LIPM: variants seen among roughly 807,000 people sequenced by gnomAD.
The protein encoded by LIPM is lipase family member M, also known as lipase member M.
In LIPM, 42 loss-of-function variants were observed where a neutral mutation model predicts 42.4. The ratio of observed to expected loss-of-function variants is 0.99; its 90% CI spans 0.77 to 1.28. The LOEUF is 1.28. LIPM is among the 50% of genes most tolerant of loss of function. The probability of loss-of-function intolerance (pLI) is 0.00; values close to 1 mark genes in which losing one functional copy is unlikely to be tolerated. For missense variants in LIPM, 524 were observed against 520.1 expected (o/e 1.01, Z -0.07); for synonymous variants, 177 against 173.3 (o/e 1.02, Z -0.17).
chr10:88,815,177 A>G lies in LIPM; in HGVS notation c.664A>G (p.Lys222Glu). The change falls in exon 5 of 9, where the codon AAA becomes GAA. Residue 222 changes from lysine (K) to glutamate (E), a missense_variant. Lys to Glu is a moderately conservative substitution (Grantham distance 56, BLOSUM62 1). Transcript: ENST00000404743. ...LAPIATVKHA[K>E]SPGTKFLLLP... ...ACCCATAGCCACTGTTAAGCATGCA[A>G]AAAGCCCCGGGACCAAATTTTTGTT... The G allele has an allele frequency of 6.4e-7, 1 of 1,552,004 alleles. No homozygotes were observed. Among genetic ancestry groups the G allele is most frequent in the Non-Finnish European group, 8.7e-7 (1 of 1,147,040 alleles).
chr10:88,811,336 G>T (rs1028607772), intron 2 of LIPM, among the ~76,000 whole-genome samples: 1 of 152,158 alleles, frequency 6.6e-6, no homozygotes, highest in Non-Finnish European at 1.5e-5. Flanking sequence ...TTGCTTTAGA[G>T]AATTATAACA....
chr10:88,820,451 C>G lies in LIPM; in HGVS notation c.1222C>G (p.Gln408Glu). Reference protein sequence around the residue: ...RMYNEIIHLMQQEETNLSQGR... With the variant: ...RMYNEIIHLMEQEETNLSQGR... ...GTACAATGAAATCATCCATCTGATG[C>G]AGCAGGAGGAGACCAACCTTTCCCA... Residue 408 changes from glutamine to glutamate, a missense_variant, in exon 9 of 9, where the codon CAG (glutamine) becomes GAG (glutamate). Gln to Glu is a conservative substitution (Grantham distance 29). Coordinates refer to ENST00000404743, the MANE Select transcript of LIPM (RefSeq NM_001128215.1). 1 of 1,551,870 alleles carries G rather than the reference C, an allele frequency of 6.4e-7. No homozygotes were observed. The highest frequency in any genetic ancestry group is 8.7e-7 in the Non-Finnish European group (1 of 1,147,016).
At chr10:88,817,409 A>G (rs1395374989) in intron 7 of LIPM, among the ~76,000 whole-genome samples, 1 of 152,172 alleles carries the variant, frequency 6.6e-6, no homozygotes, top group Non-Finnish European at 1.5e-5. Context: ...GTAGGGAGAG[A>G]CAGAGAGAGA....
Position 88,814,604 on chromosome 10 carries a change from T to A in LIPM, c.539T>A (p.Ile180Asn), listed in dbSNP as rs1196632026. The change falls in exon 4 of 9, where the codon ATC (isoleucine) becomes AAC (asparagine). Residue 180 changes from isoleucine (I) to asparagine (N), a missense_variant. Coordinates refer to ENST00000404743, the MANE Select transcript of LIPM (RefSeq NM_001128215.1). Reference sequence around the variant, plus strand: ...TTGCAGAAAACGGGCCAGGAAAAGATCTATTATGTCGGCTATTCACAGGGC... The same window carrying A: ...TTGCAGAAAACGGGCCAGGAAAAGAACTATTATGTCGGCTATTCACAGGGC... ...FILQKTGQEK[I>N]YYVGYSQGTT... The A allele has an allele frequency of 2.6e-6, 4 of 1,551,860 alleles. No individual in the cohort carries two copies. Among genetic ancestry groups the A allele is most frequent in the Non-Finnish European group, 2.6e-6 (3 of 1,146,978 alleles).
rs937932162 is a variant in LIPM at position 88,808,500 on chromosome 10, G to A, written c.265+85G>A. ...GTGATTTGAATGTAGAAGAGAGCCT[G>A]GGTTCTTAGTGCAGAGTGAGGTCCA... On this transcript the variant is annotated intron_variant, in intron 2 of 8. Coordinates refer to ENST00000404743, the MANE Select transcript of LIPM (RefSeq NM_001128215.1). 4.9e-6 allele frequency: 4 copies of A among 811,280 alleles called. No homozygotes were observed. In the African/African-American group the frequency reaches 6.8e-5, roughly 14 times the overall value. The allele number at this position is 811,280 out of a possible 1,614,324, so 50.3% of individuals were successfully genotyped here.
intron 2 of LIPM, among the ~76,000 whole-genome samples, chr10:88,809,894 G>A (rs928771333): frequency 1.3e-5 from 2 of 152,118 alleles, no homozygotes; most frequent in East Asian, 1.9e-4. Context: ...TTCATCAGAT[G>A]TCTATGCAGC....
intron 2 of LIPM, 24 bp downstream of exon 2, chr10:88,808,439 C>T (rs1474267824): frequency 1.5e-6 from 2 of 1,293,402 alleles, no homozygotes; most frequent in East Asian, 5.0e-5. Context: ...CATGTCACCG[C>T]AACACAGCAG....
In LIPM at chr10:88,813,919, C is replaced by T. The variant is rs554518513; in HGVS notation, c.465-611C>T. ...TGAGAACTCACTATCACGAGAACAG[C>T]ACAGGGGAAACCACTCCCATGATTC... On this transcript the variant is annotated intron_variant, in intron 3 of 8. Coordinates refer to ENST00000404743, the MANE Select transcript of LIPM (RefSeq NM_001128215.1). Among the ~76,000 whole-genome samples the T allele has an allele frequency of 1.1e-3, 160 of 152,198 alleles. 1 individual carries two copies. Among genetic ancestry groups the T allele is most frequent in the African/African-American group, 3.9e-3 (160 of 41,526 alleles).
chr10:88,807,461 A>C lies in LIPM; in HGVS notation c.148-837A>C, dbSNP rs539753639. Among the ~76,000 whole-genome samples, 4 of 152,336 alleles carry C rather than the reference A, an allele frequency of 2.6e-5. No individual in the cohort carries two copies. The South Asian group carries it at 8.3e-4, about 32-fold the overall frequency. On this transcript the variant is annotated intron_variant, in intron 1 of 8. Coordinates refer to ENST00000404743, the MANE Select transcript of LIPM (RefSeq NM_001128215.1). The stretch of plus-strand genomic sequence containing the variant: ...ATGGTTCTCTCCTTCTCTCTGAGTG[A>C]TAACAATGGGCAAGAATAGTGAGGA...
Position 88,820,467 on chromosome 10 carries a change from A to G in LIPM, c.1238A>G (p.Asn413Ser). The G allele has an allele frequency of 6.4e-7, 1 of 1,551,662 alleles. No individual in the cohort carries two copies. Among genetic ancestry groups the G allele is most frequent in the Non-Finnish European group, 8.7e-7 (1 of 1,146,998 alleles). ...IIHLMQQEET[N>S]LSQGRCEAVL ...CATCTGATGCAGCAGGAGGAGACCA[A>G]CCTTTCCCAGGGACGGTGTGAGGCC... Residue 413 changes from asparagine to serine, a missense_variant, in exon 9 of 9, where the codon AAC becomes AGC. Asn to Ser is a conservative substitution (Grantham distance 46, BLOSUM62 1). Coordinates refer to ENST00000404743, the MANE Select transcript of LIPM (RefSeq NM_001128215.1).
intron 1 of LIPM, among the ~76,000 whole-genome samples, chr10:88,807,824 A>T (rs1253549466): frequency 6.6e-6 from 1 of 152,164 alleles, no homozygotes; most frequent in Non-Finnish European, 1.5e-5. Context: ...GAACCATCTT[A>T]TCTGTAACCT....
At position 88,802,927 on chromosome 10, in the gene LIPM, G is replaced by T; in HGVS notation, c.31G>T (p.Val11Phe). MLETLSRQWI[V>F]SHRMEMWLLI... The stretch of plus-strand genomic sequence containing the variant: ...GGAAACCTTGTCAAGACAGTGGATT[G>T]TCTCACACAGAATGGAAATGTGGCT... The change falls in exon 1 of 9, where the codon GTC (valine) becomes TTC (phenylalanine). Residue 11 changes from valine (V) to phenylalanine (F), a missense_variant. Coordinates refer to ENST00000404743, the MANE Select transcript of LIPM (RefSeq NM_001128215.1). 4 of 1,550,866 alleles carry T rather than the reference G, an allele frequency of 2.6e-6. No individual in the cohort carries two copies. The highest frequency in any genetic ancestry group is 1.7e-4 in the Middle Eastern group (1 of 5,984).
At chr10:88,813,012 G>A in intron 2 of LIPM, 85 bp from the exon 3 acceptor site, 5 of 1,172,174 alleles carry the variant, frequency 4.3e-6, no homozygotes, top group Non-Finnish European at 1.2e-6. Context: ...ACACAGGTTT[G>A]TTTGATTTGA....
intron 1 of LIPM, among the ~76,000 whole-genome samples, chr10:88,804,085 A>G (rs188379368): frequency 1.0e-3 from 159 of 152,338 alleles, no homozygotes; most frequent in African/African-American, 3.7e-3. Flanking sequence ...TATGGGTTCA[A>G]AAACTGAGAG....
chr10:88,805,631 T>A (rs1279393991), intron 1 of LIPM, among the ~76,000 whole-genome samples: 1 of 152,244 alleles, frequency 6.6e-6, no homozygotes, highest in African/African-American at 2.4e-5. Context: ...CACAATTTAC[T>A]ATTTTCCAAC....
chr10:88,815,063 T>C (rs1843701336), intron 4 of LIPM, 25 bp from the exon 5 acceptor site: 2 of 1,518,798 alleles, frequency 1.3e-6, no homozygotes, highest in Non-Finnish European at 8.8e-7. Context: ...TTCGTATTCA[T>C]GTTGACATAT....
Position 88,815,182 on chromosome 10 carries a change from C to T in LIPM, c.669C>T (p.Ser223=), listed in dbSNP as rs1451929119. ...TAGCCACTGTTAAGCATGCAAAAAG[C>T]CCCGGGACCAAATTTTTGTTGCTGC... ...APIATVKHAK[S]PGTKFLLLPD... The change falls in exon 5 of 9, where the codon AGC becomes AGT. Residue 223 remains serine, a synonymous_variant. Coordinates refer to ENST00000404743, the MANE Select transcript of LIPM (RefSeq NM_001128215.1). 1.3e-6 allele frequency: 2 copies of T among 1,551,896 alleles called. No individual in the cohort carries two copies. The highest frequency in any genetic ancestry group is 1.2e-5 in the South Asian group (1 of 84,018).
chr10:88,802,791 G>A lies in LIPM; in HGVS notation c.-106G>A. 1.7e-6 allele frequency: 2 copies of A among 1,183,832 alleles called. No homozygotes were observed. The highest frequency in any genetic ancestry group is 2.3e-6 in the Non-Finnish European group (2 of 855,762). 73.3% of individuals were successfully genotyped at this position (1,183,832 alleles called of 1,614,324 possible). ...TAATTTGCTTCAGAATTGGAAGAGGGAATTGCAGCAGGAAAATATGTGAAG... is the reference window on the plus strand; with the variant it reads ...TAATTTGCTTCAGAATTGGAAGAGGAAATTGCAGCAGGAAAATATGTGAAG... On this transcript the variant is annotated 5_prime_UTR_variant, in exon 1 of 9. Transcript: ENST00000404743.
chr10:88,814,404 A>C (rs1843692198), intron 3 of LIPM, 126 bp from the exon 4 acceptor site: 1 of 641,862 alleles, frequency 1.6e-6, no homozygotes, highest in Admixed American at 2.6e-5. Context: ...GAGTGTTGTG[A>C]GGGACACGGT....
Sources: gnomAD v4.1 joint callset for allele counts (sites outside exome capture counted in the v4.1 genomes callset) on GRCh38, gnomAD v4.1.1 for gene constraint, MANE v1.5 for transcripts, NCBI Gene and HGNC (gene_info 2026-07-23, HGNC 2026-07-21) for gene names.